Variants in GTF3C4 observed in about 807,000 individuals in gnomAD.
GTF3C4 encodes the protein general transcription factor IIIC subunit 4.
Under a neutral mutation model 67.5 loss-of-function variants are expected in GTF3C4, and 28 were observed. The ratio of observed to expected loss-of-function variants is 0.41; its 90% CI spans 0.31 to 0.57. The LOEUF (loss-of-function observed/expected upper bound fraction) is 0.57. Among genes scored for constraint, GTF3C4 ranks in the 20% least tolerant of loss-of-function variants. The probability of loss-of-function intolerance (pLI) is 0.21; values close to 1 mark genes in which losing one functional copy is unlikely to be tolerated. For missense variants in GTF3C4, 831 were observed against 1,033.2 expected, an observed-to-expected ratio of 0.80 and a Z score of 2.68; for synonymous variants, 409 against 393.0, an observed-to-expected ratio of 1.04 and a Z score of -0.48.
At position 132,693,461 on chromosome 9, in the gene GTF3C4, TATTC is replaced by T. The variant is rs1180534956; in HGVS notation, c.*4521_*4524del. Reference sequence around the variant, plus strand: ...GCTTTGCCAACATGATCTAAGAAGGTATTCATTCTTTCTGGGTTTGAGAAGAGTT... The same window carrying T: ...GCTTTGCCAACATGATCTAAGAAGGTATTCTTTCTGGGTTTGAGAAGAGTT... On this transcript the variant is annotated 3_prime_UTR_variant, in exon 5 of 5. Coordinates refer to ENST00000372146, the MANE Select transcript of GTF3C4 (RefSeq NM_012204.4). 4.6e-5 allele frequency: 7 copies of T among 152,304 alleles called. No homozygotes were observed. Among genetic ancestry groups the T allele is most frequent in the African/African-American group, 1.7e-4 (7 of 41,554 alleles). 9.4% of individuals were successfully genotyped at this position (152,304 alleles called of 1,614,324 possible).
intron 1 of GTF3C4, 47 bp from the exon 2 acceptor site, chr9:132,677,930 C>G: frequency 6.7e-7 from 1 of 1,500,452 alleles, no homozygotes; most frequent in Non-Finnish European, 9.0e-7. Flanking sequence ...ATTGCCATCT[C>G]CTTGAGTAAA....
At chr9:132,684,367 G>T (rs1205465930) in intron 3 of GTF3C4, among the ~76,000 whole-genome samples, 1 of 152,058 alleles carries the variant, frequency 6.6e-6, no homozygotes, top group Non-Finnish European at 1.5e-5. Flanking sequence ...TGCAGCCCTG[G>T]TCCAAAACAC....
intron 1 of GTF3C4, among the ~76,000 whole-genome samples, chr9:132,674,269 G>T (rs1174820237): frequency 6.6e-6 from 1 of 152,212 alleles, no homozygotes; most frequent in Non-Finnish European, 1.5e-5. Flanking sequence ...TAAATGATTG[G>T]CTGCGGGCAG....
intron 1 of GTF3C4, among the ~76,000 whole-genome samples, chr9:132,676,231 C>G (rs11243873): frequency 0.19 from 28,261 of 151,382 alleles, 3,316 homozygotes; most frequent in East Asian, 0.4. Flanking sequence ...TCACTCCTGT[C>G]TGCACAAACT....
At chr9:132,680,471 C>G (rs1223858927) in intron 2 of GTF3C4, among the ~76,000 whole-genome samples, 10 of 152,180 alleles carry the variant, frequency 6.6e-5, no homozygotes, top group Middle Eastern at 3.4e-3. Flanking sequence ...ACTTCTTGAT[C>G]AGAGAATCTT....
chr9:132,679,476 T>C lies in GTF3C4; in HGVS notation c.1857T>C (p.Asp619=), dbSNP rs1835909953. The change falls in exon 2 of 5, where the codon GAT becomes GAC. Residue 619 remains aspartate, a synonymous_variant. Coordinates refer to ENST00000372146, the MANE Select transcript of GTF3C4 (RefSeq NM_012204.4). This position sits in a 1 kb window ranked among gnomAD's most constrained non-coding sequence, Gnocchi z 5.9. ...CGCCTGGGATGGGCAATGCTGACGATGAACAGCAGGAAGAAGGCACTTCTT... is the reference window on the plus strand; with the variant it reads ...CGCCTGGGATGGGCAATGCTGACGACGAACAGCAGGAAGAAGGCACTTCTT... ...VDSPGMGNAD[D]EQQEEGTSSK... 1.9e-6 allele frequency: 3 copies of C among 1,614,032 alleles called. No homozygotes were observed. The highest frequency in any genetic ancestry group is 2.2e-5 in the East Asian group (1 of 44,868).
At chr9:132,681,992 T>G (rs62576214) in intron 2 of GTF3C4, among the ~76,000 whole-genome samples, 1 of 144,118 alleles carries the variant, frequency 6.9e-6, no homozygotes, top group Non-Finnish European at 1.5e-5. Context: ...AAAAAAAAAT[T>G]ATCCTGGTGT....
intron 1 of GTF3C4, 105 bp from the exon 2 acceptor site, chr9:132,677,872 A>C: frequency 1.1e-6 from 1 of 885,414 alleles, no homozygotes; most frequent in South Asian, 1.7e-5. Context: ...TCTAAGAAGA[A>C]TATGGGAACC....
intron 4 of GTF3C4, 103 bp downstream of exon 4, chr9:132,687,430 A>T: frequency 9.7e-5 from 50 of 513,534 alleles, no homozygotes; most frequent in Non-Finnish European, 1.1e-4. Flanking sequence ...ACTTCTTGGT[A>T]TTGTGTTGTC....
intron 1 of GTF3C4, among the ~76,000 whole-genome samples, chr9:132,673,761 A>G (rs1379274592): frequency 6.6e-6 from 1 of 152,240 alleles, no homozygotes. Flanking sequence ...TCTGTTATTT[A>G]GATTATGAAT....
At chr9:132,684,906 T>G (rs1836002009) in intron 3 of GTF3C4, among the ~76,000 whole-genome samples, 1 of 152,232 alleles carries the variant, frequency 6.6e-6, no homozygotes, top group African/African-American at 2.4e-5. Flanking sequence ...TATTTTTTCC[T>G]TGTCCTTCCT....
chr9:132,693,437 C>T lies in GTF3C4; in HGVS notation c.*4492C>T, dbSNP rs1305277631. Reference sequence around the variant, plus strand: ...GAGTTGTTTAGATCAATATGATATGCTTTGCCAACATGATCTAAGAAGGTA... The same window carrying T: ...GAGTTGTTTAGATCAATATGATATGTTTTGCCAACATGATCTAAGAAGGTA... On this transcript the variant is annotated 3_prime_UTR_variant, in exon 5 of 5. Coordinates refer to ENST00000372146, the MANE Select transcript of GTF3C4 (RefSeq NM_012204.4). 1 of 152,126 alleles carries T rather than the reference C, an allele frequency of 6.6e-6. No individual in the cohort carries two copies. The highest frequency in any genetic ancestry group is 2.4e-5 in the African/African-American group (1 of 41,418). The allele number at this position is 152,126 out of a possible 1,614,324, so 9.4% of individuals were successfully genotyped here. A position where few individuals can be genotyped will look rare whatever the true frequency, so the allele number is the denominator to read the frequency against.
At chr9:132,673,355 C>T (rs1343699886) in intron 1 of GTF3C4, among the ~76,000 whole-genome samples, 2 of 151,998 alleles carry the variant, frequency 1.3e-5, no homozygotes, top group African/African-American at 4.8e-5. Flanking sequence ...ATATAGCTCT[C>T]TTATAGTTGA....
chr9:132,670,877 C>T lies in GTF3C4; in HGVS notation c.279C>T (p.Cys93=), dbSNP rs899871735. The T allele has an allele frequency of 6.2e-7, 1 of 1,612,410 alleles. No individual in the cohort carries two copies. The change falls in exon 1 of 5, where the codon TGC becomes TGT. Residue 93 remains cysteine (C), a synonymous_variant. Transcript: ENST00000372146. ...ARSIAVLELI[C]DVHNPGQDLV... is the part of the protein sequence containing the mutation. ...GCATCGCTGTGCTGGAGCTCATCTG[C>T]GACGTGCACAACCCGGGCCAGGACC...
At chr9:132,674,743 C>G (rs534061240) in intron 1 of GTF3C4, among the ~76,000 whole-genome samples, 1 of 152,300 alleles carries the variant, frequency 6.6e-6, no homozygotes, top group Admixed American at 6.5e-5. Context: ...TTAACATTTA[C>G]TTAAGGCTGA....
rs1335854349 is a variant in GTF3C4, at chr9:132,678,684, T to C, written c.1065T>C (p.Thr355=). Residue 355 remains threonine (T), a synonymous_variant, in exon 2 of 5, where the codon ACT becomes ACC. Transcript: ENST00000372146. This position sits in a 1 kb window ranked among gnomAD's most constrained non-coding sequence, Gnocchi z 6.5. ...VNLKAVKGYF[T]LRQPVILWKE... is the part of the protein sequence containing the mutation. The stretch of plus-strand genomic sequence containing the variant: ...TCAAAGCAGTCAAAGGCTATTTCAC[T>C]TTAAGGCAGCCTGTTATCTTGTGGA... The C allele has an allele frequency of 1.2e-6, 2 of 1,614,074 alleles. No individual in the cohort carries two copies. The highest frequency in any genetic ancestry group is 2.7e-5 in the African/African-American group (2 of 74,940).
Position 132,670,688 on chromosome 9 carries a change from G to A in GTF3C4, c.90G>A (p.Ala30=), listed in dbSNP as rs567920424. The change falls in exon 1 of 5, where the codon GCG becomes GCA. Residue 30 remains alanine, a synonymous_variant. Coordinates refer to ENST00000372146, the MANE Select transcript of GTF3C4 (RefSeq NM_012204.4). ...GEEEGEGGGE[A]GGKEPAADAA... The stretch of plus-strand genomic sequence containing the variant: ...AGGAGGGAGAGGGGGGCGGCGAGGC[G>A]GGCGGGAAGGAGCCAGCAGCGGACG... 2.6e-6 allele frequency: 4 copies of A among 1,512,694 alleles called. No individual in the cohort carries two copies. Among genetic ancestry groups the A allele is most frequent in the East Asian group, 2.5e-5 (1 of 39,494 alleles). The allele number at this position is 1,512,694 out of a possible 1,614,324, so 93.7% of individuals were successfully genotyped here. A position where few individuals can be genotyped will look rare whatever the true frequency, so the allele number is the denominator to read the frequency against.
Position 132,678,741 on chromosome 9 carries a change from C to G in GTF3C4, c.1122C>G (p.Ile374Met). 1 of 1,613,972 alleles carries G rather than the reference C, an allele frequency of 6.2e-7. No individual in the cohort carries two copies. The highest frequency in any genetic ancestry group is 8.5e-7 in the Non-Finnish European group (1 of 1,179,826). The part of the protein sequence containing the change: ...KEMDQLPVHS[I>M]KCVPLYHPYQ... ...TGGACCAGTTACCTGTGCACAGTAT[C>G]AAATGTGTGCCACTTTATCATCCTT... is the stretch of plus-strand genomic sequence containing the variant. Residue 374 changes from isoleucine (I) to methionine (M), a missense_variant, in exon 2 of 5, where the codon ATC becomes ATG. Physicochemically the swap from Ile to Met is conservative, Grantham distance 10. Around this residue, in one of 4 missense-constraint regions of GTF3C4, gnomAD observed 390 missense variants for 540.3 expected, o/e 0.72. Coordinates refer to ENST00000372146, the MANE Select transcript of GTF3C4 (RefSeq NM_012204.4). The surrounding 1 kb of genome is among the most constrained non-coding windows in gnomAD (Gnocchi z 6.5).
intron 1 of GTF3C4, among the ~76,000 whole-genome samples, chr9:132,672,455 C>T (rs1024358527): frequency 4.6e-5 from 7 of 152,122 alleles, no homozygotes; most frequent in Admixed American, 3.3e-4. Context: ...TTCCAGGCGG[C>T]AGGAATGAGG....
Sources: gnomAD v4.1 joint callset for allele counts (sites outside exome capture counted in the v4.1 genomes callset) on GRCh38, gnomAD v4.1.1 for gene constraint, gnomAD v4.1.1 regional missense constraint, Gnocchi (gnomAD v3.1) non-coding constraint, MANE v1.5 for transcripts, NCBI Gene and HGNC (gene_info 2026-07-23, HGNC 2026-07-21) for gene names.